Variants in ANO2 observed in about 807,000 individuals in gnomAD.
ANO2 encodes the protein anoctamin 2.
Under a neutral mutation model 124.2 loss-of-function variants are expected in ANO2, and 101 were observed. That is an observed-to-expected ratio of 0.81 (90% CI 0.69 to 0.96). The LOEUF (loss-of-function observed/expected upper bound fraction) is 0.96, where lower values mean the gene tolerates loss of function less well. Ranked by LOEUF, ANO2 falls within the 40% of genes least tolerant of loss-of-function variation. The probability of loss-of-function intolerance (pLI) is 0.00; values close to 1 mark genes in which losing one functional copy is unlikely to be tolerated. For synonymous variants in ANO2, 486 were observed against 482.5 expected (o/e 1.01, Z -0.09); for missense variants, 1,293 against 1,274.5 (o/e 1.01, Z -0.22).
chr12:5,765,354 C>T (rs775019966), intron 10 of ANO2, among the ~76,000 whole-genome samples: 12 of 152,070 alleles, frequency 7.9e-5, no homozygotes, highest in Non-Finnish European at 5.9e-5. Context: ...GAAAATGAGA[C>T]CAGCGTTGCC....
At chr12:5,922,308 A>G (rs1462722551) in intron 2 of ANO2, among the ~76,000 whole-genome samples, 1 of 152,220 alleles carries the variant, frequency 6.6e-6, no homozygotes, top group Non-Finnish European at 1.5e-5. Flanking sequence ...GGAGAGACTC[A>G]GAGCCACCAT....
intron 10 of ANO2, among the ~76,000 whole-genome samples, chr12:5,772,370 T>C (rs949616268): frequency 1.3e-5 from 2 of 152,244 alleles, no homozygotes; most frequent in African/African-American, 2.4e-5. Flanking sequence ...CCAAGTGTAA[T>C]CTACACAGAA....
At chr12:5,730,817 T>C (rs1305288235) in intron 14 of ANO2, among the ~76,000 whole-genome samples, 2 of 152,206 alleles carry the variant, frequency 1.3e-5, no homozygotes, top group Non-Finnish European at 2.9e-5. Flanking sequence ...CACTACTCAT[T>C]TGAGAAGGTC....
chr12:5,785,660 C>T (rs1376497501), intron 10 of ANO2, among the ~76,000 whole-genome samples: 1 of 151,582 alleles, frequency 6.6e-6, no homozygotes, highest in African/African-American at 2.4e-5. Flanking sequence ...CTCTTGTACA[C>T]ACACACACAC....
chr12:5,625,130 T>G (rs1196933619), intron 16 of ANO2, among the ~76,000 whole-genome samples: 1 of 152,146 alleles, frequency 6.6e-6, no homozygotes, highest in Non-Finnish European at 1.5e-5. Flanking sequence ...GTTGTAGATT[T>G]CTGAACAGGG....
intron 20 of ANO2, chr12:5,584,052 T>C: frequency 3.8e-6 from 1 of 260,980 alleles, no homozygotes. Context: ...AGATAAAGAC[T>C]ATTTCCCGAT....
Position 5,578,420 on chromosome 12 carries a change from T to C in ANO2, c.2332A>G (p.Lys778Glu), listed in dbSNP as rs780983757. ...CGTCTCAGCTCTGTAACAAACTTCTTTGCATCGAGCCGCACTTCAATGACG... is the reference window on the plus strand; with the variant it reads ...CGTCTCAGCTCTGTAACAAACTTCTCTGCATCGAGCCGCACTTCAATGACG... ...NNVIEVRLDA[K>E]KFVTELRRPD... Residue 778 changes from lysine to glutamate, a missense_variant, in exon 21 of 25, where the codon AAG becomes GAG. Transcript: ENST00000682330. 1.2e-6 allele frequency: 2 copies of C among 1,613,800 alleles called. No individual in the cohort carries two copies. The highest frequency in any genetic ancestry group is 2.7e-5 in the African/African-American group (2 of 74,906).
At position 5,665,329 on chromosome 12, in the gene ANO2, C is replaced by T. The variant is rs566356031; in HGVS notation, c.1546-17528G>A. 2.1e-3 allele frequency among the ~76,000 whole-genome samples: 323 copies of T among 152,308 alleles called. 1 individual carries two copies. The highest frequency in any genetic ancestry group is 7.4e-3 in the African/African-American group (307 of 41,558). ...CTGGCCCAGGGCAAGGACCCATTCC[C>T]ATGGTATTCTAGATTCATGCCATCC... On this transcript the variant is annotated intron_variant, in intron 14 of 24. Transcript: ENST00000682330.
chr12:5,851,670 G>A (rs1406640866), intron 4 of ANO2, among the ~76,000 whole-genome samples: 1 of 145,384 alleles, frequency 6.9e-6, no homozygotes, highest in Non-Finnish European at 1.5e-5. Flanking sequence ...GGGCAACAGA[G>A]CAAGACTCCA....
Position 5,799,516 on chromosome 12 carries a change from T to G in ANO2, c.1046A>C (p.Asp349Ala). ...YGVFYKFQPI[D>A]LIRKYFGEKI... ...CCCTACCACCTCTTACCTGATGAGG[T>G]CAATAGGTTGGAACTTATAGAACAC... The change falls in exon 10 of 25, where the codon GAC becomes GCC. Residue 349 changes from aspartate (D) to alanine (A), a missense_variant. By Grantham distance (126) the Asp-to-Ala change is moderately radical. Transcript: ENST00000682330. 3 of 1,613,732 alleles carry G rather than the reference T, an allele frequency of 1.9e-6. No homozygotes were observed. Among genetic ancestry groups the G allele is most frequent in the East Asian group, 2.2e-5 (1 of 44,876 alleles).
chr12:5,739,774 T>C, intron 12 of ANO2: 1 of 426,070 alleles, frequency 2.3e-6, no homozygotes, highest in Non-Finnish European at 4.7e-6. Flanking sequence ...GCATACATTC[T>C]TTCCTCCTTC....
At position 5,690,980 on chromosome 12, in the gene ANO2, G is replaced by A. The variant is rs141714494; in HGVS notation, c.1545+41540C>T. ...GCATATGACAATGACAAGTCCAACAGAGCCCCCATCTCACAGGAGCTTACA... is the reference window on the plus strand; with the variant it reads ...GCATATGACAATGACAAGTCCAACAAAGCCCCCATCTCACAGGAGCTTACA... On this transcript the variant is annotated intron_variant, in intron 14 of 24. Coordinates refer to ENST00000682330, the MANE Select transcript of ANO2 (RefSeq NM_001364791.2). 2.6e-4 allele frequency among the ~76,000 whole-genome samples: 40 copies of A among 152,310 alleles called. No individual in the cohort carries two copies. The East Asian group carries it at 6.4e-3, about 24-fold the overall frequency.
chr12:5,581,705 T>G (rs1942766135), intron 20 of ANO2, among the ~76,000 whole-genome samples: 1 of 152,174 alleles, frequency 6.6e-6, no homozygotes. Context: ...CCCCTCGCCA[T>G]GTAAGTCTCT....
At chr12:5,837,665 A>T in intron 4 of ANO2, among the ~76,000 whole-genome samples, 1 of 151,868 alleles carries the variant, frequency 6.6e-6, no homozygotes. Context: ...TGAAACCAAC[A>T]AGAACAAAGA....
intron 14 of ANO2, among the ~76,000 whole-genome samples, chr12:5,718,151 C>T (rs140391219): frequency 1.3e-5 from 2 of 152,330 alleles, no homozygotes; most frequent in African/African-American, 2.4e-5. Flanking sequence ...AGGGAAAGAA[C>T]ACAAATGTGC....
intron 10 of ANO2, among the ~76,000 whole-genome samples, chr12:5,761,840 T>C (rs1951753633): frequency 6.6e-6 from 1 of 152,146 alleles, no homozygotes. Context: ...CTCTGTCTTC[T>C]GAGTTAGCAG....
intron 10 of ANO2, among the ~76,000 whole-genome samples, chr12:5,785,656 TACACACAC>T (rs71445677): frequency 6.7e-6 from 1 of 149,606 alleles, no homozygotes; most frequent in Non-Finnish European, 1.5e-5. Context: ...AGTCCTCTTG[TACACACAC>T]ACACACACAC....
At chr12:5,659,886 C>G (rs1387877416) in intron 14 of ANO2, among the ~76,000 whole-genome samples, 1 of 152,162 alleles carries the variant, frequency 6.6e-6, no homozygotes, top group East Asian at 1.9e-4. Flanking sequence ...ACGCCTCTCC[C>G]CAGTCACTCT....
chr12:5,930,316 G>A (rs1022973625), intron 1 of ANO2, among the ~76,000 whole-genome samples: 1 of 152,146 alleles, frequency 6.6e-6, no homozygotes, highest in Non-Finnish European at 1.5e-5. Flanking sequence ...AATACTGCAC[G>A]TATATCATCC....
Sources: allele counts gnomAD v4.1 joint callset (sites outside exome capture counted in the v4.1 genomes callset), GRCh38; gene constraint gnomAD v4.1.1; transcripts MANE v1.5; gene names NCBI Gene and HGNC (gene_info 2026-07-23, HGNC 2026-07-21).